Variants in NELL2 observed in about 807,000 individuals in gnomAD.
NELL2 encodes the protein protein kinase C-binding protein NELL2.
In NELL2, 41 loss-of-function variants were observed where a neutral mutation model predicts 109.6. That is an observed-to-expected ratio of 0.37 (90% confidence interval 0.29 to 0.49). The LOEUF is 0.49. NELL2 is among the 20% of genes least tolerant of loss of function. The pLI, the probability that NELL2 is intolerant of heterozygous loss-of-function variation, is 0.98. For missense variants in NELL2, 900 were observed against 1,008.3 expected, an observed-to-expected ratio of 0.89 and a Z score of 1.45; for synonymous variants, 355 against 344.7, an observed-to-expected ratio of 1.03 and a Z score of -0.33.
intron 2 of NELL2, among the ~76,000 whole-genome samples, chr12:44,852,127 G>A (rs566548052): frequency 3.9e-5 from 6 of 152,058 alleles, no homozygotes; most frequent in South Asian, 2.1e-4. Flanking sequence ...TGCATTCACC[G>A]TCAATATCAA....
chr12:44,797,909 G>A (rs1208960417), intron 3 of NELL2, among the ~76,000 whole-genome samples: 9 of 64,622 alleles, frequency 1.4e-4, no homozygotes, highest in African/African-American at 3.5e-4. Context: ...CATCCTAGAT[G>A]GAATGATGGA....
At chr12:44,884,684 G>C (rs1003331883) in intron 1 of NELL2, among the ~76,000 whole-genome samples, 1 of 151,882 alleles carries the variant, frequency 6.6e-6, no homozygotes, top group Non-Finnish European at 1.5e-5. Flanking sequence ...ATATAGAAAG[G>C]ATAATAAACT....
At chr12:44,731,529 G>C (rs1265265795) in intron 9 of NELL2, among the ~76,000 whole-genome samples, 2 of 151,974 alleles carry the variant, frequency 1.3e-5, no homozygotes, top group Non-Finnish European at 2.9e-5. Context: ...AAAAGCATTT[G>C]ACAGAATTCA....
chr12:44,782,833 T>G (rs1942016164), intron 3 of NELL2, among the ~76,000 whole-genome samples: 3 of 151,952 alleles, frequency 2.0e-5, no homozygotes, highest in African/African-American at 7.2e-5. Flanking sequence ...AACAATTATT[T>G]GAACAACTAG....
intron 9 of NELL2, among the ~76,000 whole-genome samples, chr12:44,717,772 AAAG>A (rs1241438058): frequency 6.6e-6 from 1 of 152,120 alleles, no homozygotes; most frequent in Non-Finnish European, 1.5e-5. Context: ...TTGGTGCAGG[AAAG>A]AAACATAGCC....
Position 44,875,252 on chromosome 12 carries a change from T to A in NELL2, c.157A>T (p.Asn53Tyr). Reference protein sequence around the residue: ...TGVRQVPGLHNGTKAFLFQDT... With the variant: ...TGVRQVPGLHYGTKAFLFQDT... ...TGAAAGAGAAAGGCTTTCGTCCCAT[T>A]ATGCAGCCCCGGGACCTGACGCACT... Residue 53 changes from asparagine (N) to tyrosine (Y), a missense_variant, in exon 2 of 20, where the codon AAT becomes TAT. By Grantham distance (143) the Asn-to-Tyr change is moderately radical (BLOSUM62 -2). This residue lies in a region of NELL2 where 200 missense variants were observed against 191.8 expected (regional missense o/e 1.04). Transcript: ENST00000429094. 1 of 1,613,788 alleles carries A rather than the reference T, an allele frequency of 6.2e-7. No individual in the cohort carries two copies. Among genetic ancestry groups the A allele is most frequent in the Non-Finnish European group, 8.5e-7 (1 of 1,179,904 alleles).
At chr12:44,582,505 C>G (rs1390855414) in intron 15 of NELL2, among the ~76,000 whole-genome samples, 5 of 151,886 alleles carry the variant, frequency 3.3e-5, no homozygotes, top group Non-Finnish European at 7.4e-5. Context: ...TAGAAAAGTG[C>G]TTAGATAAAA....
chr12:44,675,625 G>A (rs891585381), intron 12 of NELL2, among the ~76,000 whole-genome samples: 1 of 152,042 alleles, frequency 6.6e-6, no homozygotes, highest in African/African-American at 2.4e-5. Flanking sequence ...TCTAACCCCA[G>A]TAATTTAGAA....
At chr12:44,851,541 G>A in intron 2 of NELL2, 1 of 152,048 alleles carries the variant, frequency 6.6e-6, no homozygotes, top group East Asian at 1.9e-4. Flanking sequence ...TTAGCATCTT[G>A]CTTATGACTT....
At chr12:44,819,952 C>T (rs1943484362) in intron 2 of NELL2, among the ~76,000 whole-genome samples, 1 of 152,096 alleles carries the variant, frequency 6.6e-6, no homozygotes, top group South Asian at 2.1e-4. Flanking sequence ...GTGTGGAATG[C>T]CCATGGGAGA....
chr12:44,747,200 CA>C, intron 9 of NELL2, among the ~76,000 whole-genome samples: 1 of 149,088 alleles, frequency 6.7e-6, no homozygotes, highest in African/African-American at 2.5e-5. Flanking sequence ...ATCGCAAGGA[CA>C]AAAAACCAAA....
chr12:44,511,793 C>T (rs1941012250), intron 19 of NELL2, among the ~76,000 whole-genome samples: 1 of 152,126 alleles, frequency 6.6e-6, no homozygotes, highest in Admixed American at 6.5e-5. Flanking sequence ...TTTCCTTAGA[C>T]TTCTATCTCT....
chr12:44,689,627 A>G (rs1176325739), intron 12 of NELL2, among the ~76,000 whole-genome samples: 1 of 152,230 alleles, frequency 6.6e-6, no homozygotes, highest in Non-Finnish European at 1.5e-5. Flanking sequence ...TGGCAGTCAT[A>G]CTCACATACA....
intron 19 of NELL2, among the ~76,000 whole-genome samples, chr12:44,514,337 A>G (rs2138963863): frequency 6.6e-6 from 1 of 152,044 alleles, no homozygotes; most frequent in African/African-American, 2.4e-5. Context: ...GAAGAGTACC[A>G]GAAATGGTAA....
intron 9 of NELL2, among the ~76,000 whole-genome samples, chr12:44,773,319 C>CA (rs1190108209): frequency 1.3e-5 from 2 of 151,878 alleles, no homozygotes; most frequent in Admixed American, 6.5e-5. Flanking sequence ...ACTAAAAATA[C>CA]AAAAAAATTA....
intron 3 of NELL2, among the ~76,000 whole-genome samples, 179 bp from the exon 4 acceptor site, chr12:44,780,201 A>T (rs1226569783): frequency 1.3e-5 from 2 of 152,158 alleles, no homozygotes; most frequent in African/African-American, 4.8e-5. Context: ...AAAGATATTC[A>T]GGATCCAAGG....
chr12:44,665,121 A>G (rs1406548417), intron 13 of NELL2, among the ~76,000 whole-genome samples: 1 of 152,142 alleles, frequency 6.6e-6, no homozygotes, highest in East Asian at 1.9e-4. Flanking sequence ...AAAAAATCAC[A>G]TTATTTATGT....
intron 3 of NELL2, among the ~76,000 whole-genome samples, chr12:44,795,163 A>AT (rs1482310049): frequency 6.6e-6 from 1 of 152,170 alleles, no homozygotes; most frequent in African/African-American, 2.4e-5. Flanking sequence ...TGAAATGAGA[A>AT]TTTTTTCTGC....
At chr12:44,739,612 CA>C (rs1939834043) in intron 9 of NELL2, among the ~76,000 whole-genome samples, 1 of 152,088 alleles carries the variant, frequency 6.6e-6, no homozygotes, top group African/African-American at 2.4e-5. Context: ...TAGTTTTAGC[CA>C]GGCACAGAGG....
Sources: gnomAD v4.1 joint callset for allele counts (sites outside exome capture counted in the v4.1 genomes callset) on GRCh38, gnomAD v4.1.1 for gene constraint, gnomAD v4.1.1 regional missense constraint, MANE v1.5 for transcripts, NCBI Gene and HGNC (gene_info 2026-07-23, HGNC 2026-07-21) for gene names.